Variants in COL6A6 observed in about 807,000 individuals in gnomAD.
COL6A6 encodes the protein collagen alpha-6(VI) chain.
In COL6A6, 183 loss-of-function variants were observed where a neutral mutation model predicts 208.6. That is an observed-to-expected ratio of 0.88 (90% CI 0.78 to 0.99). The LOEUF is 0.99. Ranked by LOEUF, COL6A6 falls within the 50% of genes least tolerant of loss-of-function variation. COL6A6 has a pLI of 0.00. For synonymous variants in COL6A6, 973 were observed against 1,011.8 expected (o/e 0.96, Z 0.73); for missense variants, 2,816 against 2,815.2 (o/e 1.00, Z -0.01).
At chr3:130,536,637 T>C (rs1395650278) in intron 1 of COL6A6, among the ~76,000 whole-genome samples, 1 of 152,096 alleles carries the variant, frequency 6.6e-6, no homozygotes, top group East Asian at 1.9e-4. Context: ...TAGCAGAAAC[T>C]GTGAAGGCCC....
At chr3:130,549,358 A>G (rs1352104410) in intron 1 of COL6A6, among the ~76,000 whole-genome samples, 1 of 152,014 alleles carries the variant, frequency 6.6e-6, no homozygotes, top group East Asian at 1.9e-4. Context: ...GGCTCTCACT[A>G]TGTTGCTCAG....
At chr3:130,594,997 C>A (rs1374430028) in intron 18 of COL6A6, among the ~76,000 whole-genome samples, 1 of 152,134 alleles carries the variant, frequency 6.6e-6, no homozygotes, top group African/African-American at 2.4e-5. Flanking sequence ...GGGATTATTA[C>A]AATTCAAGAT....
chr3:130,555,619 C>T (rs2062750222), intron 1 of COL6A6, among the ~76,000 whole-genome samples: 1 of 152,088 alleles, frequency 6.6e-6, no homozygotes, highest in African/African-American at 2.4e-5. Context: ...ATACTTTTAA[C>T]ATTTCCCCAT....
chr3:130,651,633 A>G (rs1182228292), intron 33 of COL6A6, among the ~76,000 whole-genome samples: 1 of 152,166 alleles, frequency 6.6e-6, no homozygotes, highest in Admixed American at 6.5e-5. Context: ...GAAATGCAAT[A>G]AAGTAGAAAA....
At chr3:130,612,326 C>T (rs73198099) in intron 23 of COL6A6, among the ~76,000 whole-genome samples, 69 of 152,174 alleles carry the variant, frequency 4.5e-4, no homozygotes, top group Non-Finnish European at 8.7e-4. Context: ...AATGGTGATT[C>T]TGTTTCCAGT....
Position 130,649,415 on chromosome 3 carries a change from C to CA in COL6A6, c.5587dup (p.Thr1863AsnfsTer30). 1.2e-6 allele frequency: 2 copies of CA among 1,613,074 alleles called. No individual in the cohort carries two copies. The highest frequency in any genetic ancestry group is 1.7e-6 in the Non-Finnish European group (2 of 1,179,584). ...TCAAGCGGACGCTTCCGGGGGCACA[C>CA]ACGAGAAAAATCGCCACATTTTTCA... On this transcript the variant is annotated frameshift_variant, in exon 33 of 37. Transcript: ENST00000358511. LOFTEE classifies it high-confidence loss of function.
At chr3:130,626,367 C>T (rs2064885054) in intron 24 of COL6A6, 118 bp from the exon 25 acceptor site, 5 of 761,310 alleles carry the variant, frequency 6.6e-6, no homozygotes, top group South Asian at 3.1e-5. Flanking sequence ...TCTTGTATCA[C>T]TTGCACGACA....
chr3:130,662,813 G>A (rs775809187), intron 35 of COL6A6, among the ~76,000 whole-genome samples: 16 of 152,180 alleles, frequency 1.1e-4, no homozygotes, highest in Non-Finnish European at 2.4e-4. Context: ...ATGAAAAATA[G>A]AGCCTTGCAA....
chr3:130,570,977 C>CATCA lies in COL6A6; in HGVS notation c.2561_2562insATCA (p.Asp855SerfsTer2). The CATCA allele has an allele frequency of 1.2e-6, 2 of 1,613,986 alleles. No individual in the cohort carries two copies. The highest frequency in any genetic ancestry group is 1.7e-6 in the Non-Finnish European group (2 of 1,179,888). ...GTCCGGTTTGGGGCTCTGAAGTATG[C>CATCA]TGATGACCCAGAGGTGCTGTTTTAT... On this transcript the variant is annotated frameshift_variant, in exon 7 of 37. Coordinates refer to ENST00000358511, the MANE Select transcript of COL6A6 (RefSeq NM_001102608.3). LOFTEE classifies it high-confidence loss of function.
intron 24 of COL6A6, among the ~76,000 whole-genome samples, chr3:130,625,796 C>G (rs564279246): frequency 6.6e-6 from 1 of 152,072 alleles, no homozygotes; most frequent in Non-Finnish European, 1.5e-5. Flanking sequence ...AGTATTGATT[C>G]GGTTGTGACA....
intron 1 of COL6A6, among the ~76,000 whole-genome samples, chr3:130,534,233 C>T (rs1237161746): frequency 3.9e-5 from 6 of 152,120 alleles, no homozygotes; most frequent in Non-Finnish European, 7.4e-5. Context: ...AATGGAACCT[C>T]ACTGTTTTAA....
intron 35 of COL6A6, among the ~76,000 whole-genome samples, chr3:130,664,233 T>A (rs1383020359): frequency 6.6e-6 from 1 of 152,036 alleles, no homozygotes; most frequent in Non-Finnish European, 1.5e-5. Flanking sequence ...GATAAAAAAA[T>A]TAAAAATCAG....
chr3:130,636,589 A>G (rs532353544), intron 28 of COL6A6, among the ~76,000 whole-genome samples: 39 of 152,220 alleles, frequency 2.6e-4, no homozygotes, highest in South Asian at 6.2e-4. Context: ...TGTATACTTG[A>G]AATGGTTTTC....
intron 12 of COL6A6, among the ~76,000 whole-genome samples, 196 bp from the exon 13 acceptor site, chr3:130,590,845 G>T (rs1261873883): frequency 2.6e-5 from 4 of 152,176 alleles, no homozygotes; most frequent in African/African-American, 4.8e-5. Flanking sequence ...GGAATTACAG[G>T]CATGAGCCAC....
intron 1 of COL6A6, among the ~76,000 whole-genome samples, chr3:130,559,213 A>C (rs1368815710): frequency 6.6e-6 from 1 of 152,220 alleles, no homozygotes; most frequent in Non-Finnish European, 1.5e-5. Flanking sequence ...CGGGAAATCC[A>C]CTTTGGGACT....
Position 130,569,202 on chromosome 3 carries a change from C to A in COL6A6, c.2401+598C>A, listed in dbSNP as rs111665237. Among the ~76,000 whole-genome samples the A allele has an allele frequency of 1.8e-3, 272 of 152,284 alleles. 1 individual carries two copies. The highest frequency in any genetic ancestry group is 5.8e-3 in the African/African-American group (239 of 41,562). ...CTACTATATATGGTGCTTATTTTTG[C>A]AATTTCTAAAGACCAATACTTGTAT... On this transcript the variant is annotated intron_variant, in intron 6 of 36. Transcript: ENST00000358511.
intron 17 of COL6A6, 139 bp from the exon 18 acceptor site, chr3:130,594,142 T>C: frequency 1.5e-6 from 1 of 683,282 alleles, no homozygotes; most frequent in Non-Finnish European, 2.5e-6. Flanking sequence ...ATTTTTTCGG[T>C]TGTTCATCTT....
intron 32 of COL6A6, among the ~76,000 whole-genome samples, chr3:130,647,475 C>T (rs1049088402): frequency 6.6e-6 from 1 of 152,312 alleles, no homozygotes; most frequent in East Asian, 1.9e-4. Flanking sequence ...AAAAGTGACA[C>T]GTCCATTTAT....
intron 20 of COL6A6, among the ~76,000 whole-genome samples, chr3:130,606,211 G>T (rs955768889): frequency 2.6e-5 from 4 of 152,094 alleles, no homozygotes; most frequent in African/African-American, 9.7e-5. Flanking sequence ...AATGATCCTA[G>T]GTTAGACAAC....
Sources: gnomAD v4.1 joint callset for allele counts (sites outside exome capture counted in the v4.1 genomes callset) on GRCh38, gnomAD v4.1.1 for gene constraint, MANE v1.5 for transcripts, NCBI Gene and HGNC (gene_info 2026-07-23, HGNC 2026-07-21) for gene names.